CPA6: variants seen among roughly 807,000 people sequenced by gnomAD.
CPA6 encodes carboxypeptidase B.
CPA6 carries 58 observed loss-of-function variants against 63.3 expected under a neutral mutation model. The observed-to-expected ratio is 0.92, with a 90% CI of 0.74 to 1.14. The LOEUF (loss-of-function observed/expected upper bound fraction) is 1.14, where lower values mean the gene tolerates loss of function less well. CPA6 is among the 50% of genes most tolerant of loss of function. The pLI, the probability that CPA6 is intolerant of heterozygous loss-of-function variation, is 0.00. For synonymous variants in CPA6, 185 were observed against 179.0 expected (o/e 1.03, Z -0.27); for missense variants, 565 against 526.6 (o/e 1.07, Z -0.71).
intron 9 of CPA6, chr8:67,429,580 A>G (rs1328704521): frequency 6.6e-6 from 1 of 152,198 alleles, no homozygotes. Flanking sequence ...ACTGTTTACT[A>G]TTGATCTCAC....
chr8:67,735,901 C>A (rs1203640082), intron 1 of CPA6, among the ~76,000 whole-genome samples: 1 of 152,154 alleles, frequency 6.6e-6, no homozygotes, highest in African/African-American at 2.4e-5. Flanking sequence ...AGCCTTCCCT[C>A]CCCTCTCCCT....
intron 1 of CPA6, among the ~76,000 whole-genome samples, chr8:67,661,391 T>C (rs1587681048): frequency 6.6e-6 from 1 of 152,270 alleles, no homozygotes; most frequent in African/African-American, 2.4e-5. Flanking sequence ...TTGCAAGGAC[T>C]GTGGCTTTAA....
At chr8:67,518,531 G>C (rs561724243) in intron 2 of CPA6, among the ~76,000 whole-genome samples, 1 of 132,410 alleles carries the variant, frequency 7.6e-6, no homozygotes, top group East Asian at 2.2e-4. Context: ...TTTTGAGACA[G>C]AGTCTTTCTC....
intron 2 of CPA6, among the ~76,000 whole-genome samples, chr8:67,595,106 C>T (rs1313182487): frequency 6.6e-6 from 1 of 152,182 alleles, no homozygotes; most frequent in Non-Finnish European, 1.5e-5. Context: ...ACAGACAGGA[C>T]CCTCAGCTGC....
chr8:67,681,848 TG>T (rs1300063799), intron 1 of CPA6, among the ~76,000 whole-genome samples: 1 of 151,846 alleles, frequency 6.6e-6, no homozygotes, highest in African/African-American at 2.4e-5. Flanking sequence ...CCTTCAACTT[TG>T]TTTTTTTTCA....
At position 67,555,295 on chromosome 8, in the gene CPA6, G is replaced by A. The variant is rs1055928764; in HGVS notation, c.193-37248C>T. On this transcript the variant is annotated intron_variant, in intron 2 of 10. Coordinates refer to ENST00000297770, the MANE Select transcript of CPA6 (RefSeq NM_020361.5). The stretch of plus-strand genomic sequence containing the variant: ...TTTAGCTTTGTCCCCTAACTTCCAA[G>A]AAAGGGAGAGGGGCCAGAGATTGAG... Among the ~76,000 whole-genome samples the A allele has an allele frequency of 4.6e-5, 7 of 152,302 alleles. 1 individual carries two copies. In the South Asian group the frequency reaches 1.5e-3, roughly 32 times the overall value.
At chr8:67,431,690 C>T (rs1378377197) in intron 9 of CPA6, among the ~76,000 whole-genome samples, 2 of 152,136 alleles carry the variant, frequency 1.3e-5, no homozygotes, top group Non-Finnish European at 2.9e-5. Flanking sequence ...GCTATAGCAG[C>T]AGCAGCAACA....
chr8:67,422,443 T>C lies in CPA6; in HGVS notation c.*61A>G, dbSNP rs997236542. The C allele has an allele frequency of 6.9e-7, 1 of 1,450,240 alleles. No individual in the cohort carries two copies. Among genetic ancestry groups the C allele is most frequent in the South Asian group, 1.3e-5 (1 of 79,464 alleles). 89.8% of individuals were successfully genotyped at this position (1,450,240 alleles called of 1,614,324 possible). ...CCCTTCTCTTTGAAAACAATTTCTATCCAGGGCCAAGTAGGCCTTGCTCAG... is the reference window on the plus strand; with the variant it reads ...CCCTTCTCTTTGAAAACAATTTCTACCCAGGGCCAAGTAGGCCTTGCTCAG... On this transcript the variant is annotated 3_prime_UTR_variant, in exon 11 of 11. Transcript: ENST00000297770.
intron 2 of CPA6, among the ~76,000 whole-genome samples, chr8:67,562,084 G>A (rs1335490322): frequency 6.6e-6 from 1 of 152,064 alleles, no homozygotes; most frequent in African/African-American, 2.4e-5. Flanking sequence ...GGTGATCTCT[G>A]GAAAGTTACA....
intron 1 of CPA6, among the ~76,000 whole-genome samples, chr8:67,731,788 A>T (rs1463420998): frequency 7.2e-5 from 11 of 152,218 alleles, no homozygotes; most frequent in Admixed American, 7.2e-4. Flanking sequence ...AAGTTAAAGG[A>T]AGAATACGAC....
chr8:67,457,365 T>C (rs990447030), intron 8 of CPA6, among the ~76,000 whole-genome samples: 4 of 152,236 alleles, frequency 2.6e-5, no homozygotes, highest in African/African-American at 9.6e-5. Context: ...CTCATTTTTT[T>C]CCTGTCTATT....
intron 2 of CPA6, among the ~76,000 whole-genome samples, chr8:67,535,652 G>T (rs1213117255): frequency 6.6e-6 from 1 of 152,240 alleles, no homozygotes; most frequent in South Asian, 2.1e-4. Context: ...CCATTCTGTA[G>T]GTTGCCTGTT....
chr8:67,670,678 A>C lies in CPA6; in HGVS notation c.117-46427T>G, dbSNP rs531239119. Among the ~76,000 whole-genome samples the C allele has an allele frequency of 5.3e-5, 8 of 152,332 alleles. No individual in the cohort carries two copies. In the South Asian group the frequency reaches 1.7e-3, roughly 32 times the overall value. Reference sequence around the variant, plus strand: ...GTTTGTCACAATTACTAAGAAAACCAGTAAAAATTATAGTATCTATTAACA... The same window carrying C: ...GTTTGTCACAATTACTAAGAAAACCCGTAAAAATTATAGTATCTATTAACA... On this transcript the variant is annotated intron_variant, in intron 1 of 10. Transcript: ENST00000297770.
intron 2 of CPA6, among the ~76,000 whole-genome samples, chr8:67,610,297 C>G (rs758035251): frequency 1.2e-4 from 18 of 151,788 alleles, no homozygotes; most frequent in Admixed American, 3.9e-4. Context: ...GCCCAGGAGT[C>G]AGAGGCTGCA....
chr8:67,697,293 G>A (rs1211760272), intron 1 of CPA6, among the ~76,000 whole-genome samples: 1 of 152,226 alleles, frequency 6.6e-6, no homozygotes, highest in Non-Finnish European at 1.5e-5. Context: ...GAAGACTGGA[G>A]TGAGTCCTGG....
chr8:67,663,008 C>A (rs908287318), intron 1 of CPA6, among the ~76,000 whole-genome samples: 1 of 152,100 alleles, frequency 6.6e-6, no homozygotes, highest in Non-Finnish European at 1.5e-5. Context: ...AGTGAGGCTG[C>A]GGGCCACTGT....
chr8:67,470,902 T>C (rs4737834), intron 8 of CPA6, among the ~76,000 whole-genome samples: 68,285 of 152,034 alleles, frequency 0.45, 16,716 homozygotes, highest in African/African-American at 0.67. Flanking sequence ...AATTAGAATC[T>C]AAATATCTGC....
At chr8:67,508,850 C>A (rs1407797096) in intron 5 of CPA6, among the ~76,000 whole-genome samples, 1 of 152,064 alleles carries the variant, frequency 6.6e-6, no homozygotes, top group Non-Finnish European at 1.5e-5. Context: ...ATAGCTTCTG[C>A]ATTAGTTAGT....
At chr8:67,618,719 C>T (rs1233219649) in intron 2 of CPA6, among the ~76,000 whole-genome samples, 1 of 152,170 alleles carries the variant, frequency 6.6e-6, no homozygotes, top group Non-Finnish European at 1.5e-5. Context: ...ATTAATTGTT[C>T]TTTCTACGAG....
Sources: gnomAD v4.1 joint callset for allele counts (sites outside exome capture counted in the v4.1 genomes callset) on GRCh38, gnomAD v4.1.1 for gene constraint, MANE v1.5 for transcripts, NCBI Gene and HGNC (gene_info 2026-07-23, HGNC 2026-07-21) for gene names.